PACRG: variants seen among roughly 807,000 people sequenced by gnomAD.
The protein encoded by PACRG is parkin coregulated.
Under a neutral mutation model 29.7 loss-of-function variants are expected in PACRG, and 29 were observed. That is an observed-to-expected ratio of 0.98 (90% confidence interval 0.73 to 1.33). The LOEUF is 1.33. Among genes scored for constraint, PACRG ranks in the 40% most tolerant of loss-of-function variants. PACRG has a pLI of 0.00. For synonymous variants in PACRG, 116 were observed against 118.7 expected (o/e 0.98, Z 0.15); for missense variants, 279 against 316.2 (o/e 0.88, Z 0.89).
At chr6:163,210,105 G>A (rs966480910) in intron 4 of PACRG, among the ~76,000 whole-genome samples, 28 of 152,258 alleles carry the variant, frequency 1.8e-4, no homozygotes, top group African/African-American at 6.7e-4. Flanking sequence ...CACGGCCTAC[G>A]CTTCCACATA....
intron 4 of PACRG, among the ~76,000 whole-genome samples, chr6:163,215,216 T>A (rs2206256): frequency 0.75 from 114,730 of 152,074 alleles, 44,089 homozygotes; most frequent in African/African-American, 0.9. Context: ...TATTCTATCA[T>A]CTTTCAGTGT....
chr6:162,844,483 G>T (rs1272792099), intron 2 of PACRG, among the ~76,000 whole-genome samples: 2 of 152,182 alleles, frequency 1.3e-5, no homozygotes, highest in South Asian at 2.1e-4. Flanking sequence ...CCACTGACCT[G>T]TGCCCACTTT....
rs557655873 is a variant in PACRG at position 163,214,185 on chromosome 6, T to A, written c.614-100642T>A. ...GCCACCATCACATTGAGCCTGGAGA[T>A]GTGGCTAGTGTGACTAAGGACGTGA... On this transcript the variant is annotated intron_variant, in intron 4 of 4. Coordinates refer to ENST00000366888, the MANE Select transcript of PACRG (RefSeq NM_001080379.2). Among the ~76,000 whole-genome samples, 33 of 152,320 alleles carry A rather than the reference T, an allele frequency of 2.2e-4. No homozygotes were observed. In the South Asian group the frequency reaches 6.8e-3, roughly 32 times the overall value.
At chr6:162,802,090 C>CTA (rs1785926777) in intron 1 of PACRG, among the ~76,000 whole-genome samples, 1 of 151,982 alleles carries the variant, frequency 6.6e-6, no homozygotes, top group Admixed American at 6.6e-5. Context: ...TTGCAGAATT[C>CTA]TATATATTTT....
At chr6:163,009,677 C>T (rs1218482479) in intron 2 of PACRG, among the ~76,000 whole-genome samples, 3 of 152,242 alleles carry the variant, frequency 2.0e-5, no homozygotes, top group African/African-American at 7.2e-5. Context: ...CAGTGATGAA[C>T]AATAAGCTAA....
intron 2 of PACRG, among the ~76,000 whole-genome samples, chr6:162,857,855 G>C (rs558734119): frequency 2.6e-5 from 4 of 151,470 alleles, no homozygotes; most frequent in South Asian, 4.2e-4. Flanking sequence ...AAATGCAACT[G>C]TGTTACCTGT....
At chr6:163,143,492 G>A (rs752244368) in intron 4 of PACRG, among the ~76,000 whole-genome samples, 10 of 152,212 alleles carry the variant, frequency 6.6e-5, no homozygotes, top group Non-Finnish European at 1.5e-4. Flanking sequence ...TCGGCTTGTT[G>A]CTTTAGCGCA....
intron 1 of PACRG, among the ~76,000 whole-genome samples, chr6:162,776,969 T>C (rs796629141): frequency 7.2e-5 from 11 of 152,084 alleles, no homozygotes; most frequent in Non-Finnish European, 1.2e-4. Context: ...AGACTACACA[T>C]TGGGTACAGT....
chr6:163,198,581 G>A (rs955734905), intron 4 of PACRG, among the ~76,000 whole-genome samples: 9 of 152,190 alleles, frequency 5.9e-5, no homozygotes, highest in Non-Finnish European at 1.0e-4. Flanking sequence ...CACCGAGGTT[G>A]TCTGGCACCA....
intron 2 of PACRG, among the ~76,000 whole-genome samples, chr6:162,917,716 C>G (rs79911726): frequency 1.3e-5 from 2 of 151,976 alleles, no homozygotes; most frequent in African/African-American, 4.8e-5. Context: ...GTGGCACTGC[C>G]GGAGTTCTGA....
chr6:163,236,498 G>A (rs59201827), intron 4 of PACRG, among the ~76,000 whole-genome samples: 7,114 of 152,238 alleles, frequency 0.047, 484 homozygotes, highest in African/African-American at 0.14. Flanking sequence ...TGAAGATTTA[G>A]TCTCACACAA....
chr6:163,258,872 G>A (rs895412214), intron 4 of PACRG, among the ~76,000 whole-genome samples: 4 of 152,100 alleles, frequency 2.6e-5, no homozygotes, highest in Non-Finnish European at 5.9e-5. Context: ...TCTGGCAAAA[G>A]CACTAGCTTT....
In PACRG at chr6:162,912,480, C is replaced by T. The variant is rs1796370008; in HGVS notation, c.291+98199C>T. Among the ~76,000 whole-genome samples, 8 of 152,194 alleles carry T rather than the reference C, an allele frequency of 5.3e-5. No individual in the cohort carries two copies. The South Asian group carries it at 1.7e-3, about 32-fold the overall frequency. On this transcript the variant is annotated intron_variant, in intron 2 of 4. Coordinates refer to ENST00000366888, the MANE Select transcript of PACRG (RefSeq NM_001080379.2). ...TTGCCAGCATGTAGCAGCTTTGTAACTTCTGCCACTGTAGTAAGTGTAAGT... is the reference window on the plus strand; with the variant it reads ...TTGCCAGCATGTAGCAGCTTTGTAATTTCTGCCACTGTAGTAAGTGTAAGT...
In PACRG at chr6:162,814,153, G is replaced by A; in HGVS notation, c.163G>A (p.Gly55Ser). The A allele has an allele frequency of 6.2e-7, 1 of 1,609,888 alleles. No homozygotes were observed. Among genetic ancestry groups the A allele is most frequent in the African/African-American group, 1.3e-5 (1 of 74,646 alleles). ...TTTTTTTTTTCCAATTAAGGTGAGA[G>A]GCCCTCCAGCTGCAGGGGCATTTAA... is the stretch of plus-strand genomic sequence containing the variant. Reference protein sequence around the residue: ...KAMMKNSVVRGPPAAGAFKER... With the variant: ...KAMMKNSVVRSPPAAGAFKER... The change falls in exon 2 of 5, where the codon GGC becomes AGC. Residue 55 changes from glycine (G) to serine (S), a missense_variant. Transcript: ENST00000366888.
At chr6:162,934,095 C>G (rs1295398526) in intron 2 of PACRG, among the ~76,000 whole-genome samples, 1 of 151,996 alleles carries the variant, frequency 6.6e-6, no homozygotes, top group East Asian at 1.9e-4. Flanking sequence ...GAAACCCAGT[C>G]TCTACTAAAA....
At chr6:163,295,181 A>C (rs1489620002) in intron 4 of PACRG, among the ~76,000 whole-genome samples, 1 of 152,268 alleles carries the variant, frequency 6.6e-6, no homozygotes, top group East Asian at 1.9e-4. Flanking sequence ...TATCTGGTTC[A>C]TTATAAAGCA....
intron 4 of PACRG, among the ~76,000 whole-genome samples, chr6:163,148,641 G>A (rs886368433): frequency 1.3e-5 from 2 of 152,018 alleles, no homozygotes; most frequent in African/African-American, 2.4e-5. Context: ...ATGGAAAATC[G>A]GTCCCAGTGA....
intron 4 of PACRG, among the ~76,000 whole-genome samples, chr6:163,206,210 G>C (rs1238195925): frequency 2.0e-5 from 3 of 151,954 alleles, no homozygotes; most frequent in African/African-American, 7.3e-5. Context: ...CTCCTTATTG[G>C]GTATATACCT....
chr6:162,945,556 G>A (rs1434384629), intron 2 of PACRG, among the ~76,000 whole-genome samples: 2 of 151,968 alleles, frequency 1.3e-5, no homozygotes, highest in Non-Finnish European at 2.9e-5. Context: ...ATAGTTGAGG[G>A]TTTCAACACC....
Sources: gnomAD v4.1 joint callset for allele counts (sites outside exome capture counted in the v4.1 genomes callset) on GRCh38, gnomAD v4.1.1 for gene constraint, MANE v1.5 for transcripts, NCBI Gene and HGNC (gene_info 2026-07-23, HGNC 2026-07-21) for gene names.